The following ATF6 variants were observed in gnomAD, a reference collection of about 807,000 sequenced individuals.
The protein encoded by ATF6 is activating transcription factor 6.
Under a neutral mutation model 83.6 loss-of-function variants are expected in ATF6, and 53 were observed. The observed-to-expected ratio is 0.63, with a 90% confidence interval of 0.51 to 0.80. The LOEUF (loss-of-function observed/expected upper bound fraction) is 0.80. Ranked by LOEUF, ATF6 falls within the 30% of genes least tolerant of loss-of-function variation. ATF6 has a pLI of 0.00. For synonymous variants in ATF6, 288 were observed against 285.8 expected, an observed-to-expected ratio of 1.01 and a Z score of -0.08; for missense variants, 744 against 797.9, an observed-to-expected ratio of 0.93 and a Z score of 0.81.
At chr1:161,909,734 A>G (rs572648381) in intron 14 of ATF6, among the ~76,000 whole-genome samples, 1 of 152,258 alleles carries the variant, frequency 6.6e-6, no homozygotes, top group Admixed American at 6.5e-5. Context: ...AGGCGGGCAG[A>G]TCACGAGGTC....
At chr1:161,850,612 T>C (rs774462931) in intron 10 of ATF6, among the ~76,000 whole-genome samples, 1 of 152,216 alleles carries the variant, frequency 6.6e-6, no homozygotes, top group Non-Finnish European at 1.5e-5. Context: ...ACAGAAACTT[T>C]GATTCTCTCA....
chr1:161,914,430 C>T lies in ATF6; in HGVS notation c.1804+2050C>T, dbSNP rs557314859. Among the ~76,000 whole-genome samples the T allele has an allele frequency of 7.2e-5, 11 of 152,312 alleles. No homozygotes were observed. The East Asian group carries it at 1.4e-3, about 19-fold the overall frequency. ...CTGCCGTCTACTCCACCTTCACTGACGACTCCTCCACTGCCTCTGTCATCC... is the reference window on the plus strand; with the variant it reads ...CTGCCGTCTACTCCACCTTCACTGATGACTCCTCCACTGCCTCTGTCATCC... On this transcript the variant is annotated intron_variant, in intron 15 of 15. Transcript: ENST00000367942.
chr1:161,786,693 C>A (rs1684755599), intron 4 of ATF6, among the ~76,000 whole-genome samples: 1 of 152,062 alleles, frequency 6.6e-6, no homozygotes, highest in Non-Finnish European at 1.5e-5. Flanking sequence ...GTCCGATGCC[C>A]CTATCACTCC....
intron 14 of ATF6, among the ~76,000 whole-genome samples, chr1:161,896,261 C>A (rs1326883308): frequency 6.6e-6 from 1 of 152,140 alleles, no homozygotes; most frequent in Non-Finnish European, 1.5e-5. Flanking sequence ...GTGTGTGCCA[C>A]AACTTTTGTA....
chr1:161,959,619 G>T lies in ATF6; in HGVS notation c.*965G>T, dbSNP rs895089966. On this transcript the variant is annotated 3_prime_UTR_variant, in exon 16 of 16. Transcript: ENST00000367942. ...CGGGAGGCGGAGCTTGCAGTGAGCC[G>T]AGATCCCGCCACTGCACTCCAGCCT... is the stretch of plus-strand genomic sequence containing the variant. The T allele has an allele frequency of 1.4e-5, 2 of 145,628 alleles. No homozygotes were observed. The highest frequency in any genetic ancestry group is 3.0e-5 in the Non-Finnish European group (2 of 67,264). 9.0% of individuals were successfully genotyped at this position (145,628 alleles called of 1,614,324 possible). A position where few individuals can be genotyped will look rare whatever the true frequency, so the allele number is the denominator to read the frequency against.
intron 14 of ATF6, among the ~76,000 whole-genome samples, chr1:161,910,291 T>C (rs1349843236): frequency 6.6e-6 from 1 of 152,226 alleles, no homozygotes; most frequent in East Asian, 1.9e-4. Context: ...GTCTGATTTT[T>C]GGGCCTCTTG....
At chr1:161,823,759 A>G (rs1571163076) in intron 9 of ATF6, among the ~76,000 whole-genome samples, 1 of 152,190 alleles carries the variant, frequency 6.6e-6, no homozygotes, top group Non-Finnish European at 1.5e-5. Flanking sequence ...TTAGACTCAC[A>G]TCGGTATGCA....
chr1:161,894,425 T>G (rs1318557717), intron 14 of ATF6, among the ~76,000 whole-genome samples: 28 of 151,134 alleles, frequency 1.9e-4, no homozygotes, highest in Admixed American at 1.8e-3. Context: ...GTTCTTAAAC[T>G]TCAAACTTCT....
chr1:161,896,491 T>C (rs1025022053), intron 14 of ATF6, among the ~76,000 whole-genome samples: 1 of 152,246 alleles, frequency 6.6e-6, no homozygotes, highest in African/African-American at 2.4e-5. Context: ...ATTAGTGAAG[T>C]GTAGTAATCC....
At chr1:161,865,210 A>G (rs1305933584) in intron 14 of ATF6, among the ~76,000 whole-genome samples, 1 of 151,088 alleles carries the variant, frequency 6.6e-6, no homozygotes, top group Non-Finnish European at 1.5e-5. Context: ...CCCAGGCTGG[A>G]GTGCAGTGGT....
chr1:161,795,928 G>C (rs931851749), intron 6 of ATF6, among the ~76,000 whole-genome samples: 1 of 152,136 alleles, frequency 6.6e-6, no homozygotes, highest in African/African-American at 2.4e-5. Context: ...AACATGCCTA[G>C]AATATTTAGA....
Position 161,794,219 on chromosome 1 carries a change from T to TA in ATF6, c.688+1893dup, listed in dbSNP as rs1684955378. Among the ~76,000 whole-genome samples the TA allele has an allele frequency of 5.3e-5, 8 of 152,126 alleles. 1 individual carries two copies. The South Asian group carries it at 1.7e-3, about 32-fold the overall frequency. ...GCGCCTGGTGCCTTGTCTGTTTTTA[T>TA]AGTACAATCTAAATAGGTGGTATTA... On this transcript the variant is annotated intron_variant, in intron 6 of 15. Coordinates refer to ENST00000367942, the MANE Select transcript of ATF6 (RefSeq NM_007348.4).
At chr1:161,866,812 A>G (rs1338978580) in intron 14 of ATF6, among the ~76,000 whole-genome samples, 5 of 152,124 alleles carry the variant, frequency 3.3e-5, no homozygotes, top group Non-Finnish European at 7.4e-5. Context: ...CAGTGGTACA[A>G]TTATAGTTCA....
chr1:161,766,330 C>T lies in ATF6; in HGVS notation c.-31C>T, dbSNP rs1479046065. The stretch of plus-strand genomic sequence containing the variant: ...TGCCGCCGCCGTCCCAGATATTAAT[C>T]ACGGAGTTCCAGGGAGAAGGAACTT... On this transcript the variant is annotated 5_prime_UTR_variant, in exon 1 of 16. Coordinates refer to ENST00000367942, the MANE Select transcript of ATF6 (RefSeq NM_007348.4). 4 of 1,602,044 alleles carry T rather than the reference C, an allele frequency of 2.5e-6. No homozygotes were observed. The East Asian group carries it at 8.9e-5, about 36-fold the overall frequency.
intron 15 of ATF6, among the ~76,000 whole-genome samples, chr1:161,941,595 A>G (rs535896789): frequency 6.6e-6 from 1 of 152,340 alleles, no homozygotes. Context: ...TCCCTTAGAG[A>G]TGAATGGTAA....
In ATF6 at chr1:161,885,990, A is replaced by G. The variant is rs1444031089; in HGVS notation, c.1719+22678A>G. 2.6e-5 allele frequency among the ~76,000 whole-genome samples: 4 copies of G among 152,236 alleles called. No individual in the cohort carries two copies. The East Asian group carries it at 5.8e-4, about 22-fold the overall frequency. Reference sequence around the variant, plus strand: ...AATCCTTTCAACAGCTTTATGAGGTAGATATCATTACACTATTTTACTTGT... The same window carrying G: ...AATCCTTTCAACAGCTTTATGAGGTGGATATCATTACACTATTTTACTTGT... On this transcript the variant is annotated intron_variant, in intron 14 of 15. Coordinates refer to ENST00000367942, the MANE Select transcript of ATF6 (RefSeq NM_007348.4).
At position 161,792,178 on chromosome 1, in the gene ATF6, A is replaced by AGCCCAAGCCTTTATTGCTTCCAGCAGC; in HGVS notation, c.540_566dup (p.Pro183_Lys191dup). On this transcript the variant is annotated inframe_insertion, in exon 6 of 16. Coordinates refer to ENST00000367942, the MANE Select transcript of ATF6 (RefSeq NM_007348.4). ...CAGGTGAATTCAAAACCTTCAATTC[A>AGCCCAAGCCTTTATTGCTTCCAGCAGC]GCCCAAGCCTTTATTGCTTCCAGCA... 6.2e-7 allele frequency: 1 copy of AGCCCAAGCCTTTATTGCTTCCAGCAGC among 1,614,156 alleles called. No homozygotes were observed. The highest frequency in any genetic ancestry group is 8.5e-7 in the Non-Finnish European group (1 of 1,180,020).
intron 14 of ATF6, among the ~76,000 whole-genome samples, chr1:161,905,492 G>A (rs1375579616): frequency 6.6e-6 from 1 of 152,098 alleles, no homozygotes; most frequent in Non-Finnish European, 1.5e-5. Context: ...CACACCTGTA[G>A]GAGGCAATGT....
intron 15 of ATF6, among the ~76,000 whole-genome samples, chr1:161,955,904 A>G (rs1179319521): frequency 6.6e-6 from 1 of 152,214 alleles, no homozygotes; most frequent in Admixed American, 6.5e-5. Flanking sequence ...AAAGCCACCT[A>G]GACCAAACCT....
Sources: allele counts gnomAD v4.1 joint callset (sites outside exome capture counted in the v4.1 genomes callset), GRCh38; gene constraint gnomAD v4.1.1; transcripts MANE v1.5; gene names NCBI Gene and HGNC (gene_info 2026-07-23, HGNC 2026-07-21).